MLLT3: variants seen among roughly 807,000 people sequenced by gnomAD.
MLLT3 encodes the protein protein AF-9.
In MLLT3, 4 loss-of-function variants were observed where a neutral mutation model predicts 53.2. That is an observed-to-expected ratio of 0.08 (90% CI 0.04 to 0.17). MLLT3 has a LOEUF of 0.17. Among genes scored for constraint, MLLT3 ranks in the 10% least tolerant of loss-of-function variants. MLLT3 has a pLI of 1.00. For synonymous variants in MLLT3, 283 were observed against 230.6 expected, an observed-to-expected ratio of 1.23 and a Z score of -2.06; for missense variants, 569 against 684.0, an observed-to-expected ratio of 0.83 and a Z score of 1.87.
chr9:20,385,384 A>C (rs1037387687), intron 5 of MLLT3, among the ~76,000 whole-genome samples: 30 of 152,154 alleles, frequency 2.0e-4, no homozygotes, highest in African/African-American at 7.2e-4. Context: ...CTGATAAACC[A>C]TCTGTTCCAT....
chr9:20,440,693 C>A (rs994253411), intron 4 of MLLT3, among the ~76,000 whole-genome samples: 1 of 152,052 alleles, frequency 6.6e-6, no homozygotes, highest in Non-Finnish European at 1.5e-5. Flanking sequence ...TAAGCAAAGA[C>A]GAAATAGAGA....
chr9:20,587,548 T>C (rs895568346), intron 2 of MLLT3, among the ~76,000 whole-genome samples: 5 of 152,158 alleles, frequency 3.3e-5, no homozygotes, highest in African/African-American at 4.8e-5. Context: ...AAAATACTCA[T>C]TTTAACCATT....
At chr9:20,443,286 T>C (rs558926565) in intron 4 of MLLT3, among the ~76,000 whole-genome samples, 1 of 152,314 alleles carries the variant, frequency 6.6e-6, no homozygotes, top group African/African-American at 2.4e-5. Context: ...TTTCCAAAGA[T>C]GCTTGCCTAT....
At chr9:20,400,668 C>T (rs989815085) in intron 5 of MLLT3, among the ~76,000 whole-genome samples, 2 of 151,340 alleles carry the variant, frequency 1.3e-5, no homozygotes, top group African/African-American at 4.9e-5. Flanking sequence ...AGTGATGGTC[C>T]ATGAAGGGTT....
At chr9:20,346,714 T>C (rs1033798150) in intron 10 of MLLT3, 140 bp from the exon 11 acceptor site, 2 of 778,660 alleles carry the variant, frequency 2.6e-6, no homozygotes, top group African/African-American at 3.5e-5. Context: ...ATACCATGAA[T>C]AGCATTAAAC....
At chr9:20,574,481 CTGAG>C (rs1476341875) in intron 2 of MLLT3, among the ~76,000 whole-genome samples, 1 of 152,154 alleles carries the variant, frequency 6.6e-6, no homozygotes, top group African/African-American at 2.4e-5. Context: ...TTTTGGGTTT[CTGAG>C]TGAATTTAAG....
chr9:20,518,123 A>G (rs994974285), intron 2 of MLLT3, among the ~76,000 whole-genome samples: 1 of 152,128 alleles, frequency 6.6e-6, no homozygotes, highest in Non-Finnish European at 1.5e-5. Context: ...AGGCAGGCGG[A>G]TCACCTGAGG....
At chr9:20,584,463 A>C (rs1563830074) in intron 2 of MLLT3, among the ~76,000 whole-genome samples, 1 of 152,070 alleles carries the variant, frequency 6.6e-6, no homozygotes. Context: ...CCATTTTCAC[A>C]CTGTTGATAA....
chr9:20,549,611 G>A (rs188545582), intron 2 of MLLT3, among the ~76,000 whole-genome samples: 53 of 152,274 alleles, frequency 3.5e-4, no homozygotes, highest in Admixed American at 8.5e-4. Context: ...TCACACAGGC[G>A]ACTGGCGGAA....
chr9:20,481,647 A>G (rs766815021), intron 2 of MLLT3, among the ~76,000 whole-genome samples: 12 of 152,278 alleles, frequency 7.9e-5, no homozygotes, highest in Non-Finnish European at 1.6e-4. Flanking sequence ...TACCCTGTAC[A>G]TCCCCTTGCT....
At position 20,615,379 on chromosome 9, in the gene MLLT3, A is replaced by C. The variant is rs892259542; in HGVS notation, c.193+5275T>G. Among the ~76,000 whole-genome samples the C allele has an allele frequency of 2.5e-4, 37 of 149,556 alleles. 1 individual carries two copies. The highest frequency in any genetic ancestry group is 3.5e-3 in the Middle Eastern group (1 of 288). On this transcript the variant is annotated intron_variant, in intron 2 of 10. Coordinates refer to ENST00000380338, the MANE Select transcript of MLLT3 (RefSeq NM_004529.4). ...CCATGTGAAAAAAAAAAAAAAAAAA[A>C]AAAAAAAAAAAAAAAAAGAATGGAT...
chr9:20,388,461 G>A (rs1459185685), intron 5 of MLLT3, among the ~76,000 whole-genome samples: 3 of 151,978 alleles, frequency 2.0e-5, no homozygotes, highest in Non-Finnish European at 2.9e-5. Flanking sequence ...GGTGGTGGGC[G>A]CCTATAGTCC....
intron 5 of MLLT3, among the ~76,000 whole-genome samples, chr9:20,394,552 A>G (rs1475772723): frequency 6.6e-6 from 1 of 152,150 alleles, no homozygotes; most frequent in Admixed American, 6.6e-5. Context: ...TTTGGGGTCC[A>G]CAAAGGAGAC....
intron 2 of MLLT3, among the ~76,000 whole-genome samples, chr9:20,607,059 T>A (rs1457050163): frequency 6.6e-6 from 1 of 152,098 alleles, no homozygotes; most frequent in Non-Finnish European, 1.5e-5. Flanking sequence ...GGGCCATTTG[T>A]ACACTATCGT....
chr9:20,498,398 T>C (rs1563787907), intron 2 of MLLT3, among the ~76,000 whole-genome samples: 2 of 152,108 alleles, frequency 1.3e-5, no homozygotes, highest in Admixed American at 6.5e-5. Context: ...TGATGTCGAG[T>C]ATCTTTTCTT....
At chr9:20,506,446 G>A (rs889123128) in intron 2 of MLLT3, among the ~76,000 whole-genome samples, 2 of 151,982 alleles carry the variant, frequency 1.3e-5, no homozygotes, top group African/African-American at 4.8e-5. Flanking sequence ...CAATTCCAGA[G>A]CCATAACCGT....
chr9:20,565,100 T>A (rs1819314647), intron 2 of MLLT3, among the ~76,000 whole-genome samples: 1 of 152,054 alleles, frequency 6.6e-6, no homozygotes. Flanking sequence ...TCCACATATA[T>A]TAGGTAAAAT....
chr9:20,518,824 T>C (rs1817981237), intron 2 of MLLT3, among the ~76,000 whole-genome samples: 1 of 152,064 alleles, frequency 6.6e-6, no homozygotes, highest in Non-Finnish European at 1.5e-5. Context: ...AAAAAGAATT[T>C]TCAAAAATAT....
At chr9:20,364,423 G>T (rs1821399212) in intron 6 of MLLT3, among the ~76,000 whole-genome samples, 2 of 152,174 alleles carry the variant, frequency 1.3e-5, no homozygotes, top group Admixed American at 6.5e-5. Flanking sequence ...TAGGCTAAAT[G>T]TGATGAAAAA....
Sources: allele counts gnomAD v4.1 joint callset (sites outside exome capture counted in the v4.1 genomes callset), GRCh38; gene constraint gnomAD v4.1.1; transcripts MANE v1.5; gene names NCBI Gene and HGNC (gene_info 2026-07-23, HGNC 2026-07-21).